ESR1: variants seen among roughly 807,000 people sequenced by gnomAD.
ESR1 encodes the protein estrogen receptor.
In ESR1, 12 loss-of-function variants were observed where a neutral mutation model predicts 52.7. The observed-to-expected ratio is 0.23, with a 90% CI of 0.15 to 0.37. The LOEUF (loss-of-function observed/expected upper bound fraction) is 0.37. Among genes scored for constraint, ESR1 ranks in the 10% least tolerant of loss-of-function variants. The probability of loss-of-function intolerance (pLI) is 1.00; values close to 1 mark genes in which losing one functional copy is unlikely to be tolerated. For synonymous variants in ESR1, 305 were observed against 316.8 expected, an observed-to-expected ratio of 0.96 and a Z score of 0.39; for missense variants, 584 against 779.7, an observed-to-expected ratio of 0.75 and a Z score of 2.99.
exon 7 of ESR1, chr6:152,126,820 T>C (rs1020988739): frequency 1.3e-5 from 2 of 152,176 alleles, no homozygotes; most frequent in Non-Finnish European, 2.9e-5. Context: ...GCCATGCACA[T>C]AGGGTATGAC....
Position 152,049,571 on chromosome 6 carries a change from G to A in ESR1, c.1236-11420G>A, listed in dbSNP as rs9341005. 4.4e-3 allele frequency among the ~76,000 whole-genome samples: 663 copies of A among 152,294 alleles called. 5 individuals carry two copies. The highest frequency in any genetic ancestry group is 0.015 in the African/African-American group (623 of 41,564). ...ATAACCATTTGCACCAGCATGAATG[G>A]AGAGGGTCTGAGTTCTTCTGGGTGA... On this transcript the variant is annotated intron_variant, in intron 5 of 7. Coordinates refer to ENST00000206249, the MANE Select transcript of ESR1 (RefSeq NM_000125.4).
intron 4 of ESR1, among the ~76,000 whole-genome samples, chr6:151,976,929 G>T (rs1389541926): frequency 6.6e-6 from 1 of 151,964 alleles, no homozygotes; most frequent in Non-Finnish European, 1.5e-5. Context: ...ACTAAATATA[G>T]TAAGGGAGTT....
chr6:151,808,401 G>T lies in ESR1; in HGVS notation c.452+37G>T, dbSNP rs748046619. 1.1e-5 allele frequency: 8 copies of T among 706,588 alleles called. No individual in the cohort carries two copies. The Admixed American group carries it at 2.9e-4, about 26-fold the overall frequency. 43.8% of individuals were successfully genotyped at this position (706,588 alleles called of 1,614,324 possible). ...CGCGCCGCCCGTCGGGGTGGCCGCCGCGCCCGGCAGGAGGGAGGGAGGGAG... is the reference window on the plus strand; with the variant it reads ...CGCGCCGCCCGTCGGGGTGGCCGCCTCGCCCGGCAGGAGGGAGGGAGGGAG... On this transcript the variant is annotated intron_variant, in intron 1 of 7. Transcript: ENST00000206249.
At chr6:152,119,996 G>A (rs1353557942) in intron 6 of ESR1, among the ~76,000 whole-genome samples, 1 of 152,184 alleles carries the variant, frequency 6.6e-6, no homozygotes, top group East Asian at 1.9e-4. Context: ...CCCCTTTGGG[G>A]GTTTCACAGG....
intron 5 of ESR1, among the ~76,000 whole-genome samples, chr6:152,037,337 C>T (rs1181491336): frequency 2.0e-5 from 3 of 152,184 alleles, no homozygotes; most frequent in East Asian, 1.9e-4. Context: ...CATGTTTAGC[C>T]ATACAAGATA....
At chr6:151,676,898 A>T (rs1391348080) in intron 1 of ESR1, among the ~76,000 whole-genome samples, 1 of 152,244 alleles carries the variant, frequency 6.6e-6, no homozygotes, top group East Asian at 1.9e-4. Flanking sequence ...CCTGAGAGCT[A>T]ACTATAACAT....
intron 2 of ESR1, among the ~76,000 whole-genome samples, chr6:151,872,769 C>G (rs1791190141): frequency 6.6e-6 from 1 of 152,158 alleles, no homozygotes; most frequent in African/African-American, 2.4e-5. Context: ...ACTCAGGAGT[C>G]AAGGGCTGGG....
At position 151,736,375 on chromosome 6, in the gene ESR1, G is replaced by GTTT. The variant is rs10624912; in HGVS notation, c.-71+34383_-71+34385dup. Among the ~76,000 whole-genome samples, 19 of 112,740 alleles carry GTTT rather than the reference G, an allele frequency of 1.7e-4. 2 individuals are homozygous for GTTT. Among genetic ancestry groups the GTTT allele is most frequent in the African/African-American group, 6.9e-4 (18 of 26,146 alleles). The allele number at this position is 112,740 out of a possible 152,430, so 74.0% of individuals were successfully genotyped here. On this transcript the variant is annotated intron_variant, in intron 2 of 2. Transcript: ENST00000404742. ...AAATACTTACTGTATTCCAGGTAGT[G>GTTT]TTTTTTTTTTTTTTTGAGATGGAGT...
At chr6:151,986,276 A>C (rs1362062983) in intron 4 of ESR1, among the ~76,000 whole-genome samples, 1 of 152,184 alleles carries the variant, frequency 6.6e-6, no homozygotes, top group Non-Finnish European at 1.5e-5. Context: ...GATATTTGTA[A>C]AAAATCAAAA....
At chr6:152,059,602 T>C (rs897344824) in intron 5 of ESR1, among the ~76,000 whole-genome samples, 3 of 152,184 alleles carry the variant, frequency 2.0e-5, no homozygotes, top group Non-Finnish European at 2.9e-5. Flanking sequence ...AGAAAGCCTA[T>C]ACCAATATAT....
chr6:151,753,646 A>T (rs1425904478), intron 2 of ESR1, among the ~76,000 whole-genome samples: 1 of 152,124 alleles, frequency 6.6e-6, no homozygotes, highest in Non-Finnish European at 1.5e-5. Context: ...TTGGCTCCCA[A>T]CCAGTAGCAA....
At position 151,889,102 on chromosome 6, in the gene ESR1, A is replaced by G. The variant is rs1794316907; in HGVS notation, c.760+8331A>G. Among the ~76,000 whole-genome samples the G allele has an allele frequency of 2.0e-5, 3 of 152,318 alleles. No individual in the cohort carries two copies. In the East Asian group the frequency reaches 5.8e-4, roughly 29 times the overall value. On this transcript the variant is annotated intron_variant, in intron 3 of 7. Transcript: ENST00000206249. Reference sequence around the variant, plus strand: ...GTTGTGGATTTTTGCATCTATATTCATCAGGGATATTGGCATGACATTTAA... The same window carrying G: ...GTTGTGGATTTTTGCATCTATATTCGTCAGGGATATTGGCATGACATTTAA...
upstream of ESR1, chr6:151,807,517 T>G (rs780623638): frequency 6.0e-6 from 2 of 334,294 alleles, no homozygotes; most frequent in Non-Finnish European, 1.2e-5. Flanking sequence ...AAAGTAAAGT[T>G]CAGGGAAGCT....
At chr6:152,045,360 G>A (rs2046141379) in intron 5 of ESR1, among the ~76,000 whole-genome samples, 1 of 152,202 alleles carries the variant, frequency 6.6e-6, no homozygotes, top group South Asian at 2.1e-4. Context: ...AAGCCTCAGT[G>A]TAGGAACAAT....
At chr6:151,833,334 G>A (rs746703856) in intron 1 of ESR1, among the ~76,000 whole-genome samples, 18 of 152,136 alleles carry the variant, frequency 1.2e-4, no homozygotes, top group Non-Finnish European at 2.4e-4. Flanking sequence ...ACCTGTGAAT[G>A]CCCTAAGATT....
At chr6:151,697,875 G>T (rs1334592073) in intron 1 of ESR1, among the ~76,000 whole-genome samples, 2 of 151,962 alleles carry the variant, frequency 1.3e-5, no homozygotes, top group Non-Finnish European at 2.9e-5. Context: ...GAGGCAGGCA[G>T]ATCACCTGAG....
chr6:151,875,597 G>A (rs969058565), intron 2 of ESR1, among the ~76,000 whole-genome samples: 1 of 152,158 alleles, frequency 6.6e-6, no homozygotes, highest in Non-Finnish European at 1.5e-5. Context: ...TAAGTCCTAT[G>A]ATGAGACACA....
chr6:151,973,233 A>G (rs533207394), intron 4 of ESR1, among the ~76,000 whole-genome samples: 2 of 152,286 alleles, frequency 1.3e-5, no homozygotes, highest in African/African-American at 2.4e-5. Flanking sequence ...TGTAGTGGGT[A>G]TATATTTTCC....
chr6:151,947,704 G>A lies in ESR1; in HGVS notation c.1096+3196G>A, dbSNP rs75748320. 2.0e-5 allele frequency among the ~76,000 whole-genome samples: 3 copies of A among 152,258 alleles called. No homozygotes were observed. The East Asian group carries it at 5.8e-4, about 29-fold the overall frequency. ...TTAAGATGTGAAGAGCTTTGGGATA[G>A]AATGCATCATACAAGTGTGAGAGTC... On this transcript the variant is annotated intron_variant, in intron 4 of 7. Coordinates refer to ENST00000206249, the MANE Select transcript of ESR1 (RefSeq NM_000125.4).
Sources: allele counts gnomAD v4.1 joint callset (sites outside exome capture counted in the v4.1 genomes callset), GRCh38; gene constraint gnomAD v4.1.1; transcripts MANE v1.5; gene names NCBI Gene and HGNC (gene_info 2026-07-23, HGNC 2026-07-21).